The following UBE2D2 variants were observed in gnomAD, a reference collection of about 807,000 sequenced individuals.
The protein encoded by UBE2D2 is ubiquitin-conjugating enzyme E2 D2.
A neutral mutation model predicts 24.2 loss-of-function variants in UBE2D2; 2 were observed. The ratio of observed to expected loss-of-function variants is 0.08; its 90% CI spans 0.03 to 0.26. The LOEUF (loss-of-function observed/expected upper bound fraction) is 0.26. Ranked by LOEUF, UBE2D2 falls within the 10% of genes least tolerant of loss-of-function variation. The pLI, the probability that UBE2D2 is intolerant of heterozygous loss-of-function variation, is 1.00. For missense variants in UBE2D2, 44 were observed against 177.6 expected (o/e 0.25, Z 4.28); for synonymous variants, 58 against 56.5 (o/e 1.03, Z -0.12).
chr5:139,623,567 G>A (rs1754556507), intron 6 of UBE2D2, 106 bp downstream of exon 6: 5 of 816,824 alleles, frequency 6.1e-6, no homozygotes, highest in Non-Finnish European at 9.9e-6. Flanking sequence ...TTAAAGTGAA[G>A]TCCTAATATA....
Position 139,617,505 on chromosome 5 carries a change from TA to T in UBE2D2, c.304+2540del, listed in dbSNP as rs568656146. 7.4e-3 allele frequency among the ~76,000 whole-genome samples: 1,120 copies of T among 150,774 alleles called. 8 individuals carry two copies. Among genetic ancestry groups the T allele is most frequent in the African/African-American group, 0.026 (1,078 of 41,066 alleles). On this transcript the variant is annotated intron_variant, in intron 5 of 6. Coordinates refer to ENST00000398733, the MANE Select transcript of UBE2D2 (RefSeq NM_003339.3). ...AATTCTCCTGCCTCAGCCTCCCAAGTAGCTGGGATTACAGGCACCCACCACC... is the reference window on the plus strand; with the variant it reads ...AATTCTCCTGCCTCAGCCTCCCAAGTGCTGGGATTACAGGCACCCACCACC...
chr5:139,566,673 T>TCAAA (rs572146164), intron 1 of UBE2D2, among the ~76,000 whole-genome samples: 43 of 152,102 alleles, frequency 2.8e-4, no homozygotes, highest in African/African-American at 7.7e-4. Context: ...AGACCCTGTC[T>TCAAA]CAAACAAACA....
At chr5:139,568,119 C>T (rs1015956849) in intron 1 of UBE2D2, among the ~76,000 whole-genome samples, 4 of 151,078 alleles carry the variant, frequency 2.6e-5, no homozygotes, top group African/African-American at 7.3e-5. Flanking sequence ...TGAGGCGGGC[C>T]GACCACCTGA....
At position 139,568,635 on chromosome 5, in the gene UBE2D2, C is replaced by T. The variant is rs540776999; in HGVS notation, c.24+6820C>T. Among the ~76,000 whole-genome samples, 8 of 151,242 alleles carry T rather than the reference C, an allele frequency of 5.3e-5. No homozygotes were observed. In the South Asian group the frequency reaches 8.4e-4, roughly 16 times the overall value. ...TCGCGCCGCTGCATTCTAGCCTGGG[C>T]GACAGAGCGAAACTCTGTCTAGAAA... On this transcript the variant is annotated intron_variant, in intron 1 of 6. Transcript: ENST00000398733.
At chr5:139,533,714 C>T (rs544666423) in intron 1 of UBE2D2, among the ~76,000 whole-genome samples, 22 of 151,948 alleles carry the variant, frequency 1.4e-4, no homozygotes, top group Admixed American at 7.2e-4. Context: ...CAGTGTATTA[C>T]TGGGAGCGTC....
intron 5 of UBE2D2, among the ~76,000 whole-genome samples, chr5:139,618,741 T>C (rs1241260353): frequency 6.6e-6 from 1 of 152,248 alleles, no homozygotes. Flanking sequence ...AGGTTCTCTC[T>C]ATCTGGATAG....
chr5:139,527,209 G>A (rs990367617), intron 1 of UBE2D2, among the ~76,000 whole-genome samples: 1 of 152,130 alleles, frequency 6.6e-6, no homozygotes, highest in Non-Finnish European at 1.5e-5. Context: ...TCAAAGGTAT[G>A]GCACAAGGTA....
chr5:139,547,208 G>A (rs1050898770), intron 1 of UBE2D2, among the ~76,000 whole-genome samples: 1 of 151,784 alleles, frequency 6.6e-6, no homozygotes, highest in Admixed American at 6.6e-5. Flanking sequence ...GGAGAATGGC[G>A]TGAACCTGGG....
chr5:139,609,778 T>A lies in UBE2D2; in HGVS notation c.89-4808T>A, dbSNP rs1410196344. On this transcript the variant is annotated intron_variant, in intron 2 of 6. Transcript: ENST00000398733. ...TTCTTTCTTTCTTTTTTTGTTTTTT[T>A]GTTTTTTTTTTGAGATGGAGTCTCG... Among the ~76,000 whole-genome samples, 3 of 151,042 alleles carry A rather than the reference T, an allele frequency of 2.0e-5. No individual in the cohort carries two copies. The East Asian group carries it at 5.8e-4, about 29-fold the overall frequency.
chr5:139,537,166 G>C (rs1752694637), intron 1 of UBE2D2, among the ~76,000 whole-genome samples: 1 of 148,738 alleles, frequency 6.7e-6, no homozygotes, highest in Non-Finnish European at 1.5e-5. Flanking sequence ...CTGGGAGACA[G>C]AGCGAGACTC....
At chr5:139,529,404 T>A (rs547586477) in intron 1 of UBE2D2, among the ~76,000 whole-genome samples, 1 of 152,154 alleles carries the variant, frequency 6.6e-6, no homozygotes, top group South Asian at 2.1e-4. Context: ...CAGCATGGGA[T>A]AAGATGCAGT....
chr5:139,617,997 G>C (rs1032222612), intron 5 of UBE2D2, among the ~76,000 whole-genome samples: 1 of 151,630 alleles, frequency 6.6e-6, no homozygotes, highest in Non-Finnish European at 1.5e-5. Context: ...TTTTGAGAAG[G>C]AGTTTCACTT....
intron 2 of UBE2D2, among the ~76,000 whole-genome samples, chr5:139,610,694 A>G (rs1383021956): frequency 5.9e-5 from 9 of 151,990 alleles, no homozygotes; most frequent in African/African-American, 2.2e-4. Context: ...GCAACGTAAC[A>G]AAATCCCGTC....
At chr5:139,618,472 T>C (rs966461112) in intron 5 of UBE2D2, among the ~76,000 whole-genome samples, 4 of 152,154 alleles carry the variant, frequency 2.6e-5, no homozygotes, top group Non-Finnish European at 5.9e-5. Context: ...CTTGAGAAAG[T>C]GTTTGTGGAC....
At chr5:139,607,742 C>T (rs934004935) in intron 2 of UBE2D2, among the ~76,000 whole-genome samples, 1 of 152,196 alleles carries the variant, frequency 6.6e-6, no homozygotes, top group African/African-American at 2.4e-5. Context: ...TACAGTGGCT[C>T]ATGCCTGTAA....
chr5:139,540,653 C>G (rs1388962731), intron 1 of UBE2D2, among the ~76,000 whole-genome samples: 1 of 152,056 alleles, frequency 6.6e-6, no homozygotes, highest in Non-Finnish European at 1.5e-5. Flanking sequence ...TATTCTTAAC[C>G]ACTATGACAT....
chr5:139,545,393 T>G (rs1205721007), intron 1 of UBE2D2, among the ~76,000 whole-genome samples: 1 of 150,258 alleles, frequency 6.7e-6, no homozygotes. Flanking sequence ...TTTTTTTTAC[T>G]ATTGCGTGTT....
chr5:139,628,090 C>G lies in UBE2D2; in HGVS notation c.*1289C>G, dbSNP rs1321853661. The G allele has an allele frequency of 1.3e-5, 2 of 152,590 alleles. No homozygotes were observed. The highest frequency in any genetic ancestry group is 2.9e-5 in the Non-Finnish European group (2 of 68,036). 9.5% of individuals were successfully genotyped at this position (152,590 alleles called of 1,614,324 possible). On this transcript the variant is annotated 3_prime_UTR_variant, in exon 7 of 7. Coordinates refer to ENST00000398733, the MANE Select transcript of UBE2D2 (RefSeq NM_003339.3). ...TATAAAAGAGCAACATTGACCAAAC[C>G]TGGGAAACAAGAGCACAGTCTTGTT...
chr5:139,570,286 AC>A (rs1561505981), intron 1 of UBE2D2, among the ~76,000 whole-genome samples: 1 of 151,996 alleles, frequency 6.6e-6, no homozygotes, highest in East Asian at 1.9e-4. Flanking sequence ...AACAACAACA[AC>A]AACAAAACAA....
Sources: allele counts gnomAD v4.1 joint callset (sites outside exome capture counted in the v4.1 genomes callset), GRCh38; gene constraint gnomAD v4.1.1; transcripts MANE v1.5; gene names NCBI Gene and HGNC (gene_info 2026-07-23, HGNC 2026-07-21).